The following ECT2L variants were observed in gnomAD, a reference collection of about 807,000 sequenced individuals.
ECT2L encodes epithelial cell transforming 2 like.
ECT2L carries 126 observed loss-of-function variants against 122.8 expected under a neutral mutation model. That is an observed-to-expected ratio of 1.03 (90% confidence interval 0.89 to 1.19). The LOEUF (loss-of-function observed/expected upper bound fraction) is 1.19, where lower values mean the gene tolerates loss of function less well. ECT2L is among the 50% of genes most tolerant of loss of function. ECT2L has a pLI of 0.00. For synonymous variants in ECT2L, 385 were observed against 381.8 expected (o/e 1.01, Z -0.10); for missense variants, 1,012 against 1,064.1 (o/e 0.95, Z 0.68).
chr6:138,826,428 C>A (rs1335559273), intron 4 of ECT2L, among the ~76,000 whole-genome samples: 1 of 152,034 alleles, frequency 6.6e-6, no homozygotes, highest in Non-Finnish European at 1.5e-5. Flanking sequence ...TGGCTCATAC[C>A]TGAAATTCCA....
At position 138,838,410 on chromosome 6, in the gene ECT2L, G is replaced by T. The variant is rs1776919700; in HGVS notation, c.238G>T (p.Val80Leu). ...AGTGGCCAAAGTGGACTTCTCTACA[G>T]TGTTACCACGCTTCATTTCTCTATA... ...MQVAKVDFST[V>L]LPRFISLYIF... The change falls in exon 5 of 22, where the codon GTG (valine) becomes TTG (leucine). Residue 80 changes from valine (V) to leucine (L), a missense_variant. By Grantham distance (32) the Val-to-Leu change is conservative. Transcript: ENST00000541398. 6.2e-7 allele frequency: 1 copy of T among 1,613,832 alleles called. No individual in the cohort carries two copies. The highest frequency in any genetic ancestry group is 1.1e-5 in the South Asian group (1 of 91,042).
chr6:138,885,182 C>A (rs1778773809), intron 16 of ECT2L, among the ~76,000 whole-genome samples: 1 of 151,940 alleles, frequency 6.6e-6, no homozygotes, highest in Non-Finnish European at 1.5e-5. Context: ...GCGCCCGCCA[C>A]CACGCCTGGC....
chr6:138,827,953 A>C (rs1276168382), intron 4 of ECT2L, among the ~76,000 whole-genome samples: 1 of 133,972 alleles, frequency 7.5e-6, no homozygotes, highest in Non-Finnish European at 1.6e-5. Context: ...TTTTTTTTTT[A>C]TACTTTAAGT....
At chr6:138,846,434 G>A (rs374610067) in intron 7 of ECT2L, 105 bp from the exon 8 acceptor site, 6 of 1,095,842 alleles carry the variant, frequency 5.5e-6, no homozygotes, top group African/African-American at 4.8e-5. Context: ...TGGAGGCCAC[G>A]TGCCTTGTAG....
At chr6:138,810,905 C>T (rs140368123) in intron 1 of ECT2L, among the ~76,000 whole-genome samples, 208 of 152,278 alleles carry the variant, frequency 1.4e-3, no homozygotes, top group African/African-American at 4.8e-3. Flanking sequence ...TGAGATGGAA[C>T]TTTGGGGTTG....
At chr6:138,800,557 A>G (rs897369203) in intron 1 of ECT2L, among the ~76,000 whole-genome samples, 4 of 152,316 alleles carry the variant, frequency 2.6e-5, no homozygotes, top group Admixed American at 2.0e-4. Context: ...TGAAAGAATA[A>G]TCTGTCAAAT....
intron 4 of ECT2L, among the ~76,000 whole-genome samples, chr6:138,837,641 CA>C (rs56775844): frequency 0.52 from 74,454 of 142,714 alleles, 19,543 homozygotes; most frequent in East Asian, 0.8. Context: ...GCACTGGTCT[CA>C]AAAAAAAAAA....
rs115273807 is a variant in ECT2L, at chr6:138,853,909, T to C, written c.1070-117T>C. 5.8e-3 allele frequency: 6,685 copies of C among 1,161,872 alleles called. 246 individuals carry two copies. In the African/African-American group the frequency reaches 0.09, roughly 16 times the overall value. The allele number at this position is 1,161,872 out of a possible 1,614,324, so 72.0% of individuals were successfully genotyped here. ...AGGAAGCAGAGATGCCTCAGGTGTCTTGGTCTTGCAGGCAGATGGCATTTT... is the reference window on the plus strand; with the variant it reads ...AGGAAGCAGAGATGCCTCAGGTGTCCTGGTCTTGCAGGCAGATGGCATTTT... On this transcript the variant is annotated intron_variant, in intron 9 of 21. Transcript: ENST00000541398.
intron 1 of ECT2L, among the ~76,000 whole-genome samples, chr6:138,810,845 G>T (rs11758074): frequency 1.3e-5 from 2 of 152,166 alleles, no homozygotes; most frequent in African/African-American, 4.8e-5. Context: ...TCTATAGAGA[G>T]ACCCTTGTGA....
Position 138,843,089 on chromosome 6 carries a change from C to T in ECT2L, c.453C>T (p.His151=). ...WKRHYIACVS[H]LDWLTPREAA... is the part of the protein sequence containing the mutation. ...GCCATTACATTGCTTGTGTGTCCCA[C>T]TTAGACTGGCTGACACCTAGGGAGG... The change falls in exon 6 of 22, where the codon CAC becomes CAT. Residue 151 remains histidine (H), a synonymous_variant. Transcript: ENST00000541398. The T allele has an allele frequency of 2.5e-6, 4 of 1,614,096 alleles. No homozygotes were observed. The highest frequency in any genetic ancestry group is 3.4e-6 in the Non-Finnish European group (4 of 1,179,976).
At chr6:138,870,753 A>T (rs1002957068) in intron 13 of ECT2L, among the ~76,000 whole-genome samples, 2 of 152,222 alleles carry the variant, frequency 1.3e-5, no homozygotes, top group Admixed American at 6.5e-5. Context: ...TCACGCTTGC[A>T]ATCCCAGCAC....
intron 16 of ECT2L, among the ~76,000 whole-genome samples, chr6:138,883,966 T>A (rs764329532): frequency 7.2e-5 from 11 of 152,124 alleles, no homozygotes; most frequent in Non-Finnish European, 1.5e-4. Context: ...CAGGCTCAGG[T>A]GATCCTCCCA....
In ECT2L at chr6:138,902,595, C is replaced by T. The variant is rs560012344; in HGVS notation, c.2683C>T (p.Arg895Ter). 7.4e-6 allele frequency: 12 copies of T among 1,613,776 alleles called. No homozygotes were observed. The highest frequency in any genetic ancestry group is 6.7e-5 in the African/African-American group (5 of 75,000). ...TAAGTTCCTATGGCTGTCAGTACTTCGAAATGCAATCAAAAGCAGTATGGA... is the reference window on the plus strand; with the variant it reads ...TAAGTTCCTATGGCTGTCAGTACTTTGAAATGCAATCAAAAGCAGTATGGA... Reference protein sequence around the residue: ...DDKFLWLSVLRNAIKSSMEK With the variant: ...DDKFLWLSVL Residue 895 changes from arginine (R) to a stop codon, truncating the protein, a stop_gained, in exon 22 of 22, where the codon CGA becomes TGA. Transcript: ENST00000541398. LOFTEE classifies it high-confidence loss of function.
chr6:138,854,024 A>C lies in ECT2L; in HGVS notation c.1070-2A>C. ...TATGACATTTTGATTTTTTTTCCTC[A>C]GGCTATAAAATTGGTGTTAAAAATT... On this transcript the variant is annotated splice_acceptor_variant, in intron 9 of 21. Coordinates refer to ENST00000541398, the MANE Select transcript of ECT2L (RefSeq NM_001077706.3). LOFTEE classifies it high-confidence loss of function. 1 of 1,611,554 alleles carries C rather than the reference A, an allele frequency of 6.2e-7. No homozygotes were observed. The highest frequency in any genetic ancestry group is 8.5e-7 in the Non-Finnish European group (1 of 1,179,206).
intron 1 of ECT2L, among the ~76,000 whole-genome samples, chr6:138,807,708 A>G (rs374575653): frequency 3.3e-5 from 5 of 152,206 alleles, no homozygotes; most frequent in African/African-American, 1.2e-4. Flanking sequence ...ATTATTTCTC[A>G]TGGTTCTGAG....
intron 18 of ECT2L, 85 bp downstream of exon 18, chr6:138,885,915 A>G: frequency 7.3e-7 from 1 of 1,366,634 alleles, no homozygotes. Flanking sequence ...GAGACACCTT[A>G]TCTTCTTGTG....
At position 138,885,815 on chromosome 6, in the gene ECT2L, A is replaced by C; in HGVS notation, c.2244A>C (p.Lys748Asn). The C allele has an allele frequency of 6.2e-7, 1 of 1,613,912 alleles. No homozygotes were observed. ...TTAIDQIKKY[K>N]GYIDQMKQNI... ...CAATTGACCAAATCAAAAAATATAA[A>C]GGTTATATAGATCAGGTTGGTTGCT... Residue 748 changes from lysine to asparagine, a missense_variant, in exon 18 of 22, where the codon AAA becomes AAC. Lys to Asn is a moderately conservative substitution (Grantham distance 94). Transcript: ENST00000541398.
chr6:138,877,930 T>TAA (rs989132829), intron 14 of ECT2L, among the ~76,000 whole-genome samples: 1 of 152,080 alleles, frequency 6.6e-6, no homozygotes, highest in African/African-American at 2.4e-5. Context: ...ATAAAAAATG[T>TAA]AAAAAAAGAA....
chr6:138,862,183 T>C (rs1008507401), intron 10 of ECT2L, among the ~76,000 whole-genome samples: 3 of 152,236 alleles, frequency 2.0e-5, no homozygotes, highest in Non-Finnish European at 4.4e-5. Context: ...TGCATTGCTA[T>C]AAAGAAATAC....
Sources: gnomAD v4.1 joint callset for allele counts (sites outside exome capture counted in the v4.1 genomes callset) on GRCh38, gnomAD v4.1.1 for gene constraint, MANE v1.5 for transcripts, NCBI Gene and HGNC (gene_info 2026-07-23, HGNC 2026-07-21) for gene names.